PPRC1: variants seen among roughly 807,000 people sequenced by gnomAD.
PPRC1 encodes the protein peroxisome proliferator-activated receptor gamma coactivator-related protein 1.
PPRC1 carries 23 observed loss-of-function variants against 132.5 expected under a neutral mutation model. That is an observed-to-expected ratio of 0.17 (90% CI 0.12 to 0.25). PPRC1 has a LOEUF of 0.25. PPRC1 is among the 10% of genes least tolerant of loss of function. The pLI is 1.00. For missense variants in PPRC1, 2,006 were observed against 2,089.1 expected (o/e 0.96, Z 0.78); for synonymous variants, 872 against 833.5 (o/e 1.05, Z -0.80).
chr10:102,133,218 G>A lies in PPRC1; in HGVS notation c.150G>A (p.Glu50=), dbSNP rs951042111. The A allele has an allele frequency of 8.6e-6, 11 of 1,281,800 alleles. No individual in the cohort carries two copies. Among genetic ancestry groups the A allele is most frequent in the African/African-American group, 4.6e-5 (3 of 65,886 alleles). 79.4% of individuals were successfully genotyped at this position (1,281,800 alleles called of 1,614,324 possible). ...CTTTGGGCGCTGTGAGCGGCGGCGAGCAGGTGAGAGGTTGGCTGGCGGCCC... is the reference window on the plus strand; with the variant it reads ...CTTTGGGCGCTGTGAGCGGCGGCGAACAGGTGAGAGGTTGGCTGGCGGCCC... The part of the protein sequence containing the change: ...YGTLGAVSGG[E]QVLLHEEAGD... Residue 50 remains glutamate, a synonymous_variant, in exon 1 of 14, where the codon GAG becomes GAA. Coordinates refer to ENST00000278070, the MANE Select transcript of PPRC1 (RefSeq NM_015062.5).
intron 4 of PPRC1, 35 bp from the exon 5 acceptor site, chr10:102,139,065 A>G: frequency 4.4e-6 from 7 of 1,608,060 alleles, no homozygotes; most frequent in Non-Finnish European, 6.0e-6. Context: ...TTTCCCAAAG[A>G]AAACTCCTCC....
chr10:102,147,295 A>G lies in PPRC1; in HGVS notation c.4303A>G (p.Asn1435Asp). Residue 1435 changes from asparagine (N) to aspartate (D), a missense_variant, in exon 9 of 14, where the codon AAC becomes GAC. Physicochemically the swap from Asn to Asp is conservative, Grantham distance 23. This residue lies in a region of PPRC1 where 1,914 missense variants were observed against 1,917.2 expected (regional missense o/e 1.00). Transcript: ENST00000278070. ...RNSRSVSSGSNRTSEASSSSS... is the reference protein window; with the variant it reads ...RNSRSVSSGSDRTSEASSSSS... ...CAGCCGTTCTGTCAGCTCTGGGTCC[A>G]ACCGGACTAGCGAAGCATCTTCCTC... 6.2e-7 allele frequency: 1 copy of G among 1,612,840 alleles called. No homozygotes were observed. Among genetic ancestry groups the G allele is most frequent in the Non-Finnish European group, 8.5e-7 (1 of 1,180,012 alleles).
At position 102,141,484 on chromosome 10, in the gene PPRC1, A is replaced by T; in HGVS notation, c.2976A>T (p.Pro992=). 1.9e-6 allele frequency: 3 copies of T among 1,613,552 alleles called. No individual in the cohort carries two copies. Among genetic ancestry groups the T allele is most frequent in the Non-Finnish European group, 2.5e-6 (3 of 1,179,898 alleles). Residue 992 remains proline, a synonymous_variant, in exon 5 of 14, where the codon CCA becomes CCT. Transcript: ENST00000278070. ...LGWGPGPQHA[P]FWSTVPPPPL... ...GGGGCCCAGGGCCTCAACATGCTCCATTCTGGTCTACTGTTCCCCCACCTC... is the reference window on the plus strand; with the variant it reads ...GGGGCCCAGGGCCTCAACATGCTCCTTTCTGGTCTACTGTTCCCCCACCTC...
chr10:102,132,286 T>C (rs1195162619), upstream of PPRC1, among the ~76,000 whole-genome samples: 1 of 152,204 alleles, frequency 6.6e-6, no homozygotes, highest in African/African-American at 2.4e-5. Flanking sequence ...TGAAGTAGCT[T>C]TTAAGTGGCA....
intron 1 of PPRC1, among the ~76,000 whole-genome samples, chr10:102,134,610 A>G (rs2068654219): frequency 3.3e-5 from 5 of 152,188 alleles, no homozygotes; most frequent in African/African-American, 7.2e-5. Context: ...GCCCTTGCCC[A>G]GGGGAGAATG....
In PPRC1 at chr10:102,150,108, A is replaced by AAGGGG; in HGVS notation, c.*79_*80insAGGGG. The AAGGGG allele has an allele frequency of 2.0e-6, 2 of 1,008,300 alleles. No homozygotes were observed. Among genetic ancestry groups the AAGGGG allele is most frequent in the Non-Finnish European group, 3.1e-6 (2 of 647,876 alleles). 62.5% of individuals were successfully genotyped at this position (1,008,300 alleles called of 1,614,324 possible). A position where few individuals can be genotyped will look rare whatever the true frequency, so the allele number is the denominator to read the frequency against. On this transcript the variant is annotated 3_prime_UTR_variant, in exon 14 of 14. Coordinates refer to ENST00000278070, the MANE Select transcript of PPRC1 (RefSeq NM_015062.5). Reference sequence around the variant, plus strand: ...CCACCCCCTTCCCCTACTCTAGGGGAGAGAGCTGCTAGTGAGATGACTGTT... The same window carrying AAGGGG: ...CCACCCCCTTCCCCTACTCTAGGGGAAGGGGGAGAGCTGCTAGTGAGATGACTGTT...
intron 1 of PPRC1, among the ~76,000 whole-genome samples, chr10:102,134,170 A>T (rs1023542784): frequency 6.6e-6 from 1 of 152,032 alleles, no homozygotes; most frequent in African/African-American, 2.4e-5. Flanking sequence ...GGACAAGGTT[A>T]AGAAAGGGAA....
chr10:102,129,435 C>T (rs1243464949), upstream of PPRC1, among the ~76,000 whole-genome samples: 2 of 152,208 alleles, frequency 1.3e-5, no homozygotes, highest in East Asian at 1.9e-4. Flanking sequence ...AGATATATTA[C>T]CTTTTTTGAG....
chr10:102,127,654 C>G, the PPRC1 span, among the ~76,000 whole-genome samples: 1 of 151,974 alleles, frequency 6.6e-6, no homozygotes, highest in Non-Finnish European at 1.5e-5. Flanking sequence ...GATCCACCTG[C>G]CTCAGCCTCC....
chr10:102,133,883 GT>G (rs113762917), intron 1 of PPRC1, among the ~76,000 whole-genome samples: 21 of 149,926 alleles, frequency 1.4e-4, no homozygotes, highest in African/African-American at 4.6e-4. Flanking sequence ...AGCCTTGGAG[GT>G]TTTTTTTTTC....
At chr10:102,143,243 G>T in intron 6 of PPRC1, 145 bp downstream of exon 6, 1 of 719,998 alleles carries the variant, frequency 1.4e-6, no homozygotes. Flanking sequence ...AGACAAGATT[G>T]AACTGTGACG....
Position 102,140,665 on chromosome 10 carries a change from A to G in PPRC1, c.2157A>G (p.Pro719=), listed in dbSNP as rs1446487413. Reference sequence around the variant, plus strand: ...TGGAGTCAGAGTCCTTGGACCCACCAAAGACCATCATCCCTGAAGTCAAAG... The same window carrying G: ...TGGAGTCAGAGTCCTTGGACCCACCGAAGACCATCATCCCTGAAGTCAAAG... ...LLVESESLDP[P]KTIIPEVKEV... is the part of the protein sequence containing the mutation. Residue 719 remains proline, a synonymous_variant, in exon 5 of 14, where the codon CCA becomes CCG. Coordinates refer to ENST00000278070, the MANE Select transcript of PPRC1 (RefSeq NM_015062.5). The G allele has an allele frequency of 6.2e-7, 1 of 1,614,096 alleles. No homozygotes were observed. Among genetic ancestry groups the G allele is most frequent in the East Asian group, 2.2e-5 (1 of 44,878 alleles).
rs117619833 is a variant in PPRC1, at chr10:102,146,674, C to G, written c.3682C>G (p.Leu1228Val). Residue 1228 changes from leucine (L) to valine (V), a missense_variant and splice_region_variant, in exon 9 of 14, where the codon CTC becomes GTC. Physicochemically the swap from Leu to Val is conservative, Grantham distance 32 (BLOSUM62 1). Around this residue, in one of 2 missense-constraint regions of PPRC1, gnomAD observed 1,914 missense variants for 1,917.2 expected, o/e 1.00. Transcript: ENST00000278070. ...TCCATCCTCCCTCCCCACCACAGGG[C>G]TCACCCCTCCAGCTACCCCTCCCCA... Reference protein sequence around the residue: ...QAPELANVAGLTPPATPPHQL... With the variant: ...QAPELANVAGVTPPATPPHQL... 6.2e-7 allele frequency: 1 copy of G among 1,607,446 alleles called. No homozygotes were observed. Among genetic ancestry groups the G allele is most frequent in the East Asian group, 2.2e-5 (1 of 44,768 alleles).
At chr10:102,131,932 A>AC (rs1232162293), upstream of PPRC1, among the ~76,000 whole-genome samples, 4 of 152,250 alleles carry the variant, frequency 2.6e-5, no homozygotes, top group Non-Finnish European at 1.5e-5. Flanking sequence ...TGCTGGGACT[A>AC]CAAGTGTGAG....
At position 102,141,246 on chromosome 10, in the gene PPRC1, C is replaced by T. The variant is rs764454904; in HGVS notation, c.2738C>T (p.Pro913Leu). The change falls in exon 5 of 14, where the codon CCG becomes CTG. Residue 913 changes from proline (P) to leucine (L), a missense_variant. Coordinates refer to ENST00000278070, the MANE Select transcript of PPRC1 (RefSeq NM_015062.5). ...TCTATGGGGCCAGTACTACCTGATC[C>T]GTTTACTCACTATGCCCCCTTGCCA... ...PLSMGPVLPDPFTHYAPLPSW... is the reference protein window; with the variant it reads ...PLSMGPVLPDLFTHYAPLPSW... The T allele has an allele frequency of 2.4e-5, 38 of 1,613,998 alleles. 1 individual carries two copies. The South Asian group carries it at 3.6e-4, about 15-fold the overall frequency.
At chr10:102,126,180 C>T in the PPRC1 span, among the ~76,000 whole-genome samples, 1 of 152,072 alleles carries the variant, frequency 6.6e-6, no homozygotes. Flanking sequence ...CTCTGTCTTT[C>T]AAGGATGAAT....
intron 1 of PPRC1, among the ~76,000 whole-genome samples, chr10:102,136,894 T>C (rs2068744904): frequency 6.6e-6 from 1 of 152,176 alleles, no homozygotes; most frequent in Admixed American, 6.5e-5. Flanking sequence ...AGGCCGTAAA[T>C]GCTGCTAGTT....
At chr10:102,127,068 T>TATATATATATAA in the PPRC1 span, among the ~76,000 whole-genome samples, 2 of 74,102 alleles carry the variant, frequency 2.7e-5, 1 homozygote, top group African/African-American at 1.3e-4. Flanking sequence ...TATATATATA[T>TATATATATATAA]AAATTAAAAA....
intron 7 of PPRC1, 90 bp downstream of exon 7, chr10:102,144,397 C>T: frequency 7.9e-7 from 1 of 1,263,314 alleles, no homozygotes; most frequent in Non-Finnish European, 1.1e-6. Context: ...GCCTCTGTTG[C>T]AGGGACGCTG....
Sources: allele counts gnomAD v4.1 joint callset (sites outside exome capture counted in the v4.1 genomes callset), GRCh38; gene constraint gnomAD v4.1.1; regional missense constraint gnomAD v4.1.1; transcripts MANE v1.5; gene names NCBI Gene and HGNC (gene_info 2026-07-23, HGNC 2026-07-21).